Variants in CHRNG observed in about 807,000 individuals in gnomAD.
The protein encoded by CHRNG is cholinergic receptor nicotinic gamma subunit.
CHRNG carries 72 observed loss-of-function variants against 65.2 expected under a neutral mutation model. The ratio of observed to expected loss-of-function variants is 1.10; its 90% confidence interval spans 0.91 to 1.34. CHRNG has a LOEUF of 1.34. CHRNG is among the 40% of genes most tolerant of loss of function. CHRNG has a pLI of 0.00. For synonymous variants in CHRNG, 284 were observed against 290.2 expected (o/e 0.98, Z 0.22); for missense variants, 637 against 680.1 (o/e 0.94, Z 0.70).
intron 10 of CHRNG, 77 bp downstream of exon 10, chr2:232,544,657 GC>G: frequency 6.4e-7 from 1 of 1,564,502 alleles, no homozygotes; most frequent in Non-Finnish European, 8.8e-7. Flanking sequence ...GCAGATGAGT[GC>G]TGGAGAAGTG....
chr2:232,543,416 C>A lies in CHRNG; in HGVS notation c.920+27C>A, dbSNP rs750402058. The A allele has an allele frequency of 2.6e-6, 4 of 1,513,654 alleles. No individual in the cohort carries two copies. The South Asian group carries it at 4.5e-5, about 17-fold the overall frequency. The allele number at this position is 1,513,654 out of a possible 1,614,324, so 93.8% of individuals were successfully genotyped here. On this transcript the variant is annotated intron_variant, in intron 8 of 11. Coordinates refer to ENST00000651502, the MANE Select transcript of CHRNG (RefSeq NM_005199.5). The stretch of plus-strand genomic sequence containing the variant: ...TAAGGCTGGTCTTCATGTCCACCCG[C>A]CTATGCCACTCTCCCTTCTTGGGAG...
In CHRNG at chr2:232,544,631, TG is replaced by T. The variant is rs1217959126; in HGVS notation, c.1249+55del. 3 of 1,578,886 alleles carry T rather than the reference TG, an allele frequency of 1.9e-6. No individual in the cohort carries two copies. In the African/African-American group the frequency reaches 4.0e-5, roughly 21 times the overall value. On this transcript the variant is annotated intron_variant, in intron 10 of 11. Transcript: ENST00000651502. ...GACAGTCCTCCCCTGGGACCCCAGC[TG>T]GGGAGCCAGGCACAGCAGATGAGTG...
rs1363744012 is a variant in CHRNG, at chr2:232,541,995, G to A, written c.507-428G>A. 4 of 315,858 alleles carry A rather than the reference G, an allele frequency of 1.3e-5. No homozygotes were observed. The highest frequency in any genetic ancestry group is 1.8e-5 in the Non-Finnish European group (3 of 165,376). The allele number at this position is 315,858 out of a possible 1,614,324, so 19.6% of individuals were successfully genotyped here. ...TTTCCTCAAACCTAAGTGTGGGGAG[G>A]AGGGCCCGGGGGAGGGTTCTCCTGT... On this transcript the variant is annotated intron_variant, in intron 5 of 11. Transcript: ENST00000651502. This position sits in a 1 kb window ranked among gnomAD's most constrained non-coding sequence, Gnocchi z 4.0.
In CHRNG at chr2:232,542,921, T is replaced by C. The variant is rs775776788; in HGVS notation, c.644T>C (p.Met215Thr). The part of the protein sequence containing the change: ...EWAIQHRPAK[M>T]LLDPAAPAQE... Reference sequence around the variant, plus strand: ...GCCATCCAGCACCGACCAGCCAAGATGCTCCTGGACCCAGCGGCGCCAGCC... The same window carrying C: ...GCCATCCAGCACCGACCAGCCAAGACGCTCCTGGACCCAGCGGCGCCAGCC... The change falls in exon 7 of 12, where the codon ATG (methionine) becomes ACG (threonine). Residue 215 changes from methionine to threonine, a missense_variant. Coordinates refer to ENST00000651502, the MANE Select transcript of CHRNG (RefSeq NM_005199.5). 2.5e-6 allele frequency: 4 copies of C among 1,614,082 alleles called. No homozygotes were observed. Among genetic ancestry groups the C allele is most frequent in the Non-Finnish European group, 3.4e-6 (4 of 1,180,044 alleles).
At chr2:232,542,170 T>C (rs1692029897) in intron 5 of CHRNG, among the ~76,000 whole-genome samples, 1 of 151,964 alleles carries the variant, frequency 6.6e-6, no homozygotes, top group African/African-American at 2.4e-5. Context: ...AAATGCAGAG[T>C]GACCCTGGGC....
intron 11 of CHRNG, 62 bp downstream of exon 11, chr2:232,544,964 G>C (rs1254121749): frequency 6.2e-7 from 1 of 1,607,688 alleles, no homozygotes; most frequent in Non-Finnish European, 8.5e-7. Context: ...CCGTGATAGA[G>C]ACAGGATGAG....
chr2:232,543,484 C>CCCCG, intron 8 of CHRNG, 95 bp downstream of exon 8: 2 of 1,178,098 alleles, frequency 1.7e-6, no homozygotes, highest in Middle Eastern at 1.9e-4. Context: ...CCATCCACCC[C>CCCCG]CCCCATCCTC....
Position 232,546,984 on chromosome 2 carries a change from G to C in CHRNG, c.*1268G>C, listed in dbSNP as rs1300424419. Among the ~76,000 whole-genome samples the C allele has an allele frequency of 6.6e-6, 1 of 151,876 alleles. No individual in the cohort carries two copies. The highest frequency in any genetic ancestry group is 2.4e-5 in the African/African-American group (1 of 41,328). ...GTAGTAAGGCTGGGGTCTTCCTGGG[G>C]GAGAGGCAAGGTCCTGCTCTGAGAT... is the stretch of plus-strand genomic sequence containing the variant. On this transcript the variant is annotated 3_prime_UTR_variant, in exon 12 of 12. Transcript: ENST00000651502.
In CHRNG at chr2:232,541,141, G is replaced by A. The variant is rs1173962531; in HGVS notation, c.351-233G>A. On this transcript the variant is annotated intron_variant, in intron 4 of 11. Transcript: ENST00000651502. This position sits in a 1 kb window ranked among gnomAD's most constrained non-coding sequence, Gnocchi z 4.0. ...TTATGATTAAAACAAGAGAGAGTAA[G>A]ATAAGCAGAAATTAGGAGGTGGTGC... 6.6e-6 allele frequency among the ~76,000 whole-genome samples: 1 copy of A among 150,646 alleles called. No individual in the cohort carries two copies. The highest frequency in any genetic ancestry group is 1.5e-5 in the Non-Finnish European group (1 of 67,708).
intron 6 of CHRNG, 102 bp from the exon 7 acceptor site, chr2:232,542,772 GCTGGTGCT>G (rs1338124738): frequency 5.2e-6 from 5 of 965,418 alleles, no homozygotes; most frequent in Admixed American, 2.0e-5. Flanking sequence ...TGCCTCCCCT[GCTGGTGCT>G]CCTTAGGGCA....
rs74691009 is a variant in CHRNG at position 232,544,431 on chromosome 2, T to C, written c.1100T>C (p.Val367Ala). Residue 367 changes from valine (V) to alanine (A), a missense_variant, in exon 10 of 12, where the codon GTG becomes GCG. Coordinates refer to ENST00000651502, the MANE Select transcript of CHRNG (RefSeq NM_005199.5). ...MHVRPLAPAA[V>A]QDTQSRLQNG... ...GTTCGCCCGCTGGCCCCGGCAGCTG[T>C]GCAGGACACCCAGTCCCGGCTACAG... 1.4e-4 allele frequency: 219 copies of C among 1,613,610 alleles called. No homozygotes were observed. In the African/African-American group the frequency reaches 2.6e-3, roughly 19 times the overall value.
rs1692137603 is a variant in CHRNG, at chr2:232,546,472, C to G, written c.*756C>G. On this transcript the variant is annotated 3_prime_UTR_variant, in exon 12 of 12. Transcript: ENST00000651502. The stretch of plus-strand genomic sequence containing the variant: ...AAGCAATGCTCCTGCCTCAGCCTCC[C>G]AAGTAGCTGGCACCACAGGCATGCA... 1 of 152,844 alleles carries G rather than the reference C, an allele frequency of 6.5e-6. No homozygotes were observed. Among genetic ancestry groups the G allele is most frequent in the East Asian group, 1.9e-4 (1 of 5,184 alleles). The allele number at this position is 152,844 out of a possible 1,614,324, so 9.5% of individuals were successfully genotyped here.
At chr2:232,543,483 C>CCCT (rs1553578018) in intron 8 of CHRNG, 94 bp downstream of exon 8, 5 of 1,178,364 alleles carry the variant, frequency 4.2e-6, no homozygotes, top group South Asian at 2.6e-5. Context: ...TCCATCCACC[C>CCCT]CCCCCATCCT....
chr2:232,545,106 G>T (rs1294962900), intron 11 of CHRNG, among the ~76,000 whole-genome samples: 1 of 152,100 alleles, frequency 6.6e-6, no homozygotes, highest in Non-Finnish European at 1.5e-5. Context: ...AGACCAGCCT[G>T]GCCAACATGG....
Position 232,547,310 on chromosome 2 carries a change from C to G in CHRNG, c.*1594C>G, listed in dbSNP as rs1223161313. ...ATGCATGCCTGTAGTCCCAGTTACT[C>G]GGGAGGCTGAGGTGGGAGGATCGCT... On this transcript the variant is annotated 3_prime_UTR_variant, in exon 12 of 12. Transcript: ENST00000651502. 6.6e-6 allele frequency among the ~76,000 whole-genome samples: 1 copy of G among 152,072 alleles called. No homozygotes were observed. Among genetic ancestry groups the G allele is most frequent in the African/African-American group, 2.4e-5 (1 of 41,474 alleles).
In CHRNG at chr2:232,539,821, T is replaced by G. The variant is rs1691976086; in HGVS notation, c.55+19T>G. 6.2e-7 allele frequency: 1 copy of G among 1,613,460 alleles called. No homozygotes were observed. Among genetic ancestry groups the G allele is most frequent in the East Asian group, 2.2e-5 (1 of 44,880 alleles). Reference sequence around the variant, plus strand: ...TGCCTGGGTGGGACACAAAGGAATCTCAGCCTGGGGAGTCCCAGAGCTGGG... The same window carrying G: ...TGCCTGGGTGGGACACAAAGGAATCGCAGCCTGGGGAGTCCCAGAGCTGGG... On this transcript the variant is annotated intron_variant, in intron 1 of 11. Coordinates refer to ENST00000651502, the MANE Select transcript of CHRNG (RefSeq NM_005199.5).
chr2:232,539,735 G>C lies in CHRNG; in HGVS notation c.-13G>C, dbSNP rs369418719. 1.5e-5 allele frequency: 24 copies of C among 1,613,758 alleles called. No homozygotes were observed. The highest frequency in any genetic ancestry group is 1.9e-5 in the Non-Finnish European group (23 of 1,179,916). ...GTTGTCCCACCCCTGTCACTGCAGA[G>C]AGCTGAGGCACCATGCATGGGGGCC... On this transcript the variant is annotated 5_prime_UTR_variant, in exon 1 of 12. Transcript: ENST00000651502.
At chr2:232,544,284 A>T (rs1229506300) in intron 9 of CHRNG, 83 bp from the exon 10 acceptor site, 3 of 1,027,192 alleles carry the variant, frequency 2.9e-6, no homozygotes. Context: ...CATGGTCCCT[A>T]GCAGCACAAG....
rs1400845981 is a variant in CHRNG, at chr2:232,545,937, C to T, written c.*221C>T. On this transcript the variant is annotated 3_prime_UTR_variant, in exon 12 of 12. Coordinates refer to ENST00000651502, the MANE Select transcript of CHRNG (RefSeq NM_005199.5). ...GGCTAGTGTCCTGCTGCAGTCAGCA[C>T]ACACGTGGGATTGGCTAGCTCATCC... 4 of 641,106 alleles carry T rather than the reference C, an allele frequency of 6.2e-6. No homozygotes were observed. Among genetic ancestry groups the T allele is most frequent in the Non-Finnish European group, 1.1e-5 (4 of 352,992 alleles). 39.7% of individuals were successfully genotyped at this position (641,106 alleles called of 1,614,324 possible).
Sources: gnomAD v4.1 joint callset for allele counts (sites outside exome capture counted in the v4.1 genomes callset) on GRCh38, gnomAD v4.1.1 for gene constraint, Gnocchi (gnomAD v3.1) non-coding constraint, MANE v1.5 for transcripts, NCBI Gene and HGNC (gene_info 2026-07-23, HGNC 2026-07-21) for gene names.